TPX2: variants seen among roughly 807,000 people sequenced by gnomAD.
TPX2 encodes the protein targeting protein for Xklp2.
Under a neutral mutation model 93.6 loss-of-function variants are expected in TPX2, and 21 were observed. The ratio of observed to expected loss-of-function variants is 0.22; its 90% CI spans 0.16 to 0.32. TPX2 has a LOEUF of 0.32. Among genes scored for constraint, TPX2 ranks in the 10% least tolerant of loss-of-function variants. The pLI is 1.00. For missense variants in TPX2, 776 were observed against 871.1 expected, an observed-to-expected ratio of 0.89 and a Z score of 1.37; for synonymous variants, 281 against 298.3, an observed-to-expected ratio of 0.94 and a Z score of 0.60.
intron 7 of TPX2, among the ~76,000 whole-genome samples, chr20:31,773,447 G>A (rs1238099699): frequency 6.7e-6 from 1 of 149,820 alleles, no homozygotes; most frequent in African/African-American, 2.4e-5. Context: ...CACCATGCCT[G>A]GCCCCGGCTA....
chr20:31,763,667 C>T (rs1389591634), intron 4 of TPX2, among the ~76,000 whole-genome samples: 1 of 150,858 alleles, frequency 6.6e-6, no homozygotes, highest in African/African-American at 2.4e-5. Flanking sequence ...TGTTATGTCA[C>T]GTTGATGAAT....
At chr20:31,776,317 T>C (rs1349241066) in intron 8 of TPX2, among the ~76,000 whole-genome samples, 3 of 151,578 alleles carry the variant, frequency 2.0e-5, no homozygotes, top group African/African-American at 7.2e-5. Context: ...CCTGACCTCA[T>C]GATCCACCCG....
intron 1 of TPX2, among the ~76,000 whole-genome samples, chr20:31,741,396 C>T (rs1012216551): frequency 2.0e-5 from 3 of 151,052 alleles, no homozygotes; most frequent in Non-Finnish European, 4.4e-5. Flanking sequence ...ACTGCAACTT[C>T]TGCCTCCCCT....
At chr20:31,782,888 AT>A (rs2062042034) in intron 11 of TPX2, among the ~76,000 whole-genome samples, 2 of 93,148 alleles carry the variant, frequency 2.1e-5, no homozygotes, top group African/African-American at 4.1e-5. Flanking sequence ...ACATACACAC[AT>A]ACACACACAC....
intron 7 of TPX2, among the ~76,000 whole-genome samples, chr20:31,772,415 G>C (rs751995861): frequency 2.6e-5 from 4 of 152,068 alleles, no homozygotes; most frequent in Admixed American, 6.6e-5. Flanking sequence ...CTCTTGCCTT[G>C]GTCTCCCAAA....
chr20:31,775,738 A>G lies in TPX2; in HGVS notation c.609-129A>G, dbSNP rs936573522. On this transcript the variant is annotated intron_variant, in intron 7 of 17. Transcript: ENST00000300403. ...AATTAAGTTAGCATCTATTTATTAG[A>G]TGATATTTTTTGGTTTTGATGATTA... 1.1e-4 allele frequency: 102 copies of G among 898,540 alleles called. 1 individual carries two copies. The highest frequency in any genetic ancestry group is 1.4e-4 in the Non-Finnish European group (96 of 672,772). The allele number at this position is 898,540 out of a possible 1,614,324, so 55.7% of individuals were successfully genotyped here.
chr20:31,759,098 A>G (rs1196694199), intron 3 of TPX2, among the ~76,000 whole-genome samples: 1 of 152,132 alleles, frequency 6.6e-6, no homozygotes, highest in East Asian at 1.9e-4. Flanking sequence ...TCCCAAATAA[A>G]TAGTCACATC....
At chr20:31,800,275 C>T (rs975351626) in intron 17 of TPX2, among the ~76,000 whole-genome samples, 7 of 152,164 alleles carry the variant, frequency 4.6e-5, no homozygotes, top group Non-Finnish European at 1.0e-4. Context: ...TACACTCATA[C>T]AATCAGCCTT....
chr20:31,772,870 G>T (rs922570106), intron 7 of TPX2, among the ~76,000 whole-genome samples: 2 of 152,014 alleles, frequency 1.3e-5, no homozygotes, highest in Non-Finnish European at 1.5e-5. Flanking sequence ...TCAGAATAAG[G>T]AAGGAGAAAT....
At chr20:31,754,734 T>C (rs2061841047) in intron 2 of TPX2, among the ~76,000 whole-genome samples, 1 of 152,170 alleles carries the variant, frequency 6.6e-6, no homozygotes, top group Non-Finnish European at 1.5e-5. Context: ...TAGCAGTATC[T>C]TTAAAGTGAA....
At chr20:31,765,314 C>CAAAAAAAA in intron 4 of TPX2, among the ~76,000 whole-genome samples, 1 of 53,704 alleles carries the variant, frequency 1.9e-5, no homozygotes, top group Non-Finnish European at 3.9e-5. Flanking sequence ...TATTGAAAAG[C>CAAAAAAAA]AAAAAAAAAA....
intron 5 of TPX2, 43 bp from the exon 6 acceptor site, chr20:31,770,300 G>A (rs2061957188): frequency 7.6e-7 from 1 of 1,324,256 alleles, no homozygotes; most frequent in Non-Finnish European, 1.0e-6. Context: ...GATATCTGTA[G>A]TATATATATT....
At chr20:31,791,583 C>T (rs1160051835) in intron 12 of TPX2, among the ~76,000 whole-genome samples, 1 of 152,216 alleles carries the variant, frequency 6.6e-6, no homozygotes, top group Non-Finnish European at 1.5e-5. Flanking sequence ...TGCACCTGGC[C>T]TAAAGAATTT....
At chr20:31,776,747 G>A (rs539018013) in intron 8 of TPX2, among the ~76,000 whole-genome samples, 3 of 151,302 alleles carry the variant, frequency 2.0e-5, no homozygotes, top group South Asian at 2.1e-4. Flanking sequence ...GGCTGGTCTC[G>A]AGCTCCTGGC....
chr20:31,772,904 T>C (rs1600376723), intron 7 of TPX2, among the ~76,000 whole-genome samples: 1 of 152,200 alleles, frequency 6.6e-6, no homozygotes, highest in Non-Finnish European at 1.5e-5. Context: ...TGACCAGTTT[T>C]GTCAGTGTTG....
chr20:31,787,800 C>A (rs1445464725), intron 12 of TPX2, among the ~76,000 whole-genome samples: 3 of 152,198 alleles, frequency 2.0e-5, no homozygotes, highest in Non-Finnish European at 4.4e-5. Flanking sequence ...ATACGCATTT[C>A]TCAGGTGAGC....
intron 17 of TPX2, among the ~76,000 whole-genome samples, chr20:31,800,422 C>T (rs1190100033): frequency 6.6e-6 from 1 of 152,200 alleles, no homozygotes; most frequent in African/African-American, 2.4e-5. Flanking sequence ...TCAGTCAATG[C>T]TGGTTAACTC....
intron 7 of TPX2, among the ~76,000 whole-genome samples, chr20:31,775,267 C>T (rs1816680651): frequency 6.6e-6 from 1 of 151,848 alleles, no homozygotes; most frequent in African/African-American, 2.4e-5. Flanking sequence ...CCAATCTCAT[C>T]GTTTATGATC....
chr20:31,797,286 T>C (rs1600396450), intron 15 of TPX2, 118 bp from the exon 16 acceptor site: 2 of 858,906 alleles, frequency 2.3e-6, no homozygotes, highest in Non-Finnish European at 1.8e-6. Context: ...TACTAGGGTT[T>C]ATATTAAATC....
Sources: allele counts gnomAD v4.1 joint callset (sites outside exome capture counted in the v4.1 genomes callset), GRCh38; gene constraint gnomAD v4.1.1; transcripts MANE v1.5; gene names NCBI Gene and HGNC (gene_info 2026-07-23, HGNC 2026-07-21).